The following PLEKHA6 variants were observed in gnomAD, a reference collection of about 807,000 sequenced individuals.
The protein encoded by PLEKHA6 is pleckstrin homology domain containing A6.
A neutral mutation model predicts 116.7 loss-of-function variants in PLEKHA6; 60 were observed. The ratio of observed to expected loss-of-function variants is 0.51; its 90% CI spans 0.42 to 0.64. The LOEUF is 0.64. PLEKHA6 is among the 30% of genes least tolerant of loss of function. The pLI is 0.00. For missense variants in PLEKHA6, 1,338 were observed against 1,422.7 expected, an observed-to-expected ratio of 0.94 and a Z score of 0.96; for synonymous variants, 489 against 556.1, an observed-to-expected ratio of 0.88 and a Z score of 1.70.
chr1:204,264,835 C>G, intron 6 of PLEKHA6, 107 bp downstream of exon 6: 1 of 846,720 alleles, frequency 1.2e-6, no homozygotes, highest in Non-Finnish European at 2.0e-6. Flanking sequence ...GCCACCACCA[C>G]CTGGGATTCC....
chr1:204,236,901 G>A (rs748585609), intron 17 of PLEKHA6, among the ~76,000 whole-genome samples: 1 of 152,208 alleles, frequency 6.6e-6, no homozygotes, highest in Admixed American at 6.5e-5. Context: ...GAATGAAGGG[G>A]AGGCAGGGTC....
chr1:204,308,683 T>TTTTC lies in PLEKHA6; in HGVS notation c.-94-33878_-94-33875dup, dbSNP rs1553275641. On this transcript the variant is annotated intron_variant, in intron 1 of 22. Coordinates refer to ENST00000272203, the MANE Select transcript of PLEKHA6 (RefSeq NM_014935.5). Reference sequence around the variant, plus strand: ...GACTCAAGAAGGTAATTCTTTTTCTTTTTCTTTTTTTTTTTTTTTTTTTTT... The same window carrying TTTTC: ...GACTCAAGAAGGTAATTCTTTTTCTTTTTCTTTCTTTTTTTTTTTTTTTTTTTTT... Among the ~76,000 whole-genome samples the TTTTC allele has an allele frequency of 3.5e-4, 43 of 121,610 alleles. 2 individuals carry two copies. Among genetic ancestry groups the TTTTC allele is most frequent in the South Asian group, 1.3e-3 (5 of 3,854 alleles). The allele number at this position is 121,610 out of a possible 152,430, so 79.8% of individuals were successfully genotyped here.
At chr1:204,302,606 G>T in intron 1 of PLEKHA6, among the ~76,000 whole-genome samples, 1 of 152,238 alleles carries the variant, frequency 6.6e-6, no homozygotes, top group East Asian at 1.9e-4. Context: ...GCCGGGTACA[G>T]TGGCTCACGC....
At chr1:204,344,626 T>C (rs1330508894) in intron 1 of PLEKHA6, among the ~76,000 whole-genome samples, 1 of 149,968 alleles carries the variant, frequency 6.7e-6, no homozygotes, top group East Asian at 2.0e-4. Context: ...AAGAAATATT[T>C]AAAAATATAT....
At chr1:204,233,610 G>A (rs1485409826) in intron 17 of PLEKHA6, among the ~76,000 whole-genome samples, 1 of 151,950 alleles carries the variant, frequency 6.6e-6, no homozygotes, top group Non-Finnish European at 1.5e-5. Flanking sequence ...CAGCCCATCT[G>A]GCTAATTTTT....
intron 12 of PLEKHA6, among the ~76,000 whole-genome samples, chr1:204,247,962 A>AAAG (rs1455331984): frequency 6.6e-6 from 1 of 151,266 alleles, no homozygotes; most frequent in Non-Finnish European, 1.5e-5. Flanking sequence ...TTAAAAAAAA[A>AAAG]AAAATTTAAG....
chr1:204,356,342 G>A (rs1237557306), intron 1 of PLEKHA6, among the ~76,000 whole-genome samples: 6 of 152,162 alleles, frequency 3.9e-5, no homozygotes, highest in African/African-American at 1.2e-4. Flanking sequence ...GGAGGCCGAC[G>A]TGGGTGGATC....
At chr1:204,291,294 G>A (rs1216533929) in intron 1 of PLEKHA6, among the ~76,000 whole-genome samples, 1 of 152,204 alleles carries the variant, frequency 6.6e-6, no homozygotes, top group Non-Finnish European at 1.5e-5. Flanking sequence ...CAAAAATGTA[G>A]AGGAACTGGA....
chr1:204,250,491 A>G, intron 10 of PLEKHA6, 55 bp downstream of exon 10: 1 of 1,206,882 alleles, frequency 8.3e-7, no homozygotes, highest in Non-Finnish European at 1.2e-6. Flanking sequence ...CCCCCCGCAG[A>G]GGACAGCAGC....
chr1:204,365,661 C>G (rs1398153), intron 3 of PLEKHA6, among the ~76,000 whole-genome samples: 215 of 152,262 alleles, frequency 1.4e-3, no homozygotes, highest in Non-Finnish European at 2.4e-3. Flanking sequence ...GTTTGTCTCC[C>G]AATGTTTATC....
chr1:204,287,357 C>T (rs1669305578), intron 1 of PLEKHA6, among the ~76,000 whole-genome samples: 1 of 152,046 alleles, frequency 6.6e-6, no homozygotes, highest in Non-Finnish European at 1.5e-5. Context: ...TCCACACCCC[C>T]TCCACAAAAC....
At chr1:204,307,602 AG>A (rs1671434044) in intron 1 of PLEKHA6, among the ~76,000 whole-genome samples, 1 of 152,346 alleles carries the variant, frequency 6.6e-6, no homozygotes, top group Middle Eastern at 3.4e-3. Context: ...CTGAAACTGC[AG>A]GTTGGCCAAG....
At chr1:204,280,575 A>C in intron 1 of PLEKHA6, 1 of 427,704 alleles carries the variant, frequency 2.3e-6, no homozygotes, top group Non-Finnish European at 3.1e-6. Flanking sequence ...ATTACAGCTC[A>C]TTAGGTGGAG....
rs1659539322 is a variant in PLEKHA6 at position 204,220,566 on chromosome 1, C to G, written c.*2222G>C. The stretch of plus-strand genomic sequence containing the variant: ...TAGATTTGCTTTTTTTAAACAAAAG[C>G]ATAAAATAGATGTCTTAAAATAAGT... On this transcript the variant is annotated 3_prime_UTR_variant, in exon 23 of 23. Coordinates refer to ENST00000272203, the MANE Select transcript of PLEKHA6 (RefSeq NM_014935.5). 1 of 152,490 alleles carries G rather than the reference C, an allele frequency of 6.6e-6. No homozygotes were observed. Among genetic ancestry groups the G allele is most frequent in the African/African-American group, 2.4e-5 (1 of 41,410 alleles). The allele number at this position is 152,490 out of a possible 1,614,324, so 9.4% of individuals were successfully genotyped here. A position where few individuals can be genotyped will look rare whatever the true frequency, so the allele number is the denominator to read the frequency against.
At chr1:204,276,637 GACACAC>G (rs10567692) in intron 1 of PLEKHA6, among the ~76,000 whole-genome samples, 5,488 of 136,790 alleles carry the variant, frequency 0.04, 260 homozygotes, top group African/African-American at 0.12. Flanking sequence ...CACTGGCACA[GACACAC>G]ACACACACAC....
intron 1 of PLEKHA6, among the ~76,000 whole-genome samples, chr1:204,315,268 G>C (rs934096335): frequency 3.3e-5 from 5 of 152,116 alleles, no homozygotes; most frequent in Non-Finnish European, 5.9e-5. Context: ...AATCCTCAGT[G>C]GTTACCCCTC....
intron 1 of PLEKHA6, among the ~76,000 whole-genome samples, chr1:204,372,353 G>A (rs1238645862): frequency 6.6e-6 from 1 of 152,114 alleles, no homozygotes; most frequent in Non-Finnish European, 1.5e-5. Flanking sequence ...TTGGATGGCA[G>A]ATGAAGCCAT....
chr1:204,361,695 G>A (rs1223775694), upstream of PLEKHA6, among the ~76,000 whole-genome samples: 12 of 152,274 alleles, frequency 7.9e-5, no homozygotes, highest in Admixed American at 7.2e-4. Flanking sequence ...GTGCCAGGCA[G>A]GACCGATCAA....
chr1:204,349,722 G>A (rs550529308), intron 1 of PLEKHA6, among the ~76,000 whole-genome samples: 1 of 152,246 alleles, frequency 6.6e-6, no homozygotes, highest in Admixed American at 6.5e-5. Flanking sequence ...CAGTCTCGTT[G>A]ACTTCATAGA....
Sources: allele counts gnomAD v4.1 joint callset (sites outside exome capture counted in the v4.1 genomes callset), GRCh38; gene constraint gnomAD v4.1.1; transcripts MANE v1.5; gene names NCBI Gene and HGNC (gene_info 2026-07-23, HGNC 2026-07-21).